The following CTNNA3 variants were observed in gnomAD, a reference collection of about 807,000 sequenced individuals.
The protein encoded by CTNNA3 is catenin alpha 3.
Under a neutral mutation model 95.7 loss-of-function variants are expected in CTNNA3, and 76 were observed. The observed-to-expected ratio is 0.79, with a 90% confidence interval of 0.66 to 0.96. CTNNA3 has a LOEUF of 0.96. Ranked by LOEUF, CTNNA3 falls within the 40% of genes least tolerant of loss-of-function variation. CTNNA3 has a pLI of 0.00. For synonymous variants in CTNNA3, 431 were observed against 374.4 expected, an observed-to-expected ratio of 1.15 and a Z score of -1.74; for missense variants, 1,191 against 1,089.8, an observed-to-expected ratio of 1.09 and a Z score of -1.31.
At chr10:67,049,252 C>T (rs562161973) in intron 7 of CTNNA3, among the ~76,000 whole-genome samples, 5 of 152,000 alleles carry the variant, frequency 3.3e-5, no homozygotes, top group South Asian at 2.1e-4. Flanking sequence ...TCATGTAGAC[C>T]GTGCCTGATA....
chr10:67,429,744 C>A (rs1166157056), intron 5 of CTNNA3, among the ~76,000 whole-genome samples: 1 of 151,878 alleles, frequency 6.6e-6, no homozygotes, highest in East Asian at 1.9e-4. Flanking sequence ...TATCAGAGCC[C>A]AATCCAGCAT....
intron 11 of CTNNA3, among the ~76,000 whole-genome samples, chr10:66,460,253 T>A (rs1310540124): frequency 6.6e-6 from 1 of 152,194 alleles, no homozygotes; most frequent in Non-Finnish European, 1.5e-5. Context: ...AACAGTTTAA[T>A]TTAATGCTGC....
intron 12 of CTNNA3, among the ~76,000 whole-genome samples, chr10:66,310,629 A>G (rs2092004493): frequency 6.8e-6 from 1 of 146,128 alleles, no homozygotes; most frequent in East Asian, 2.0e-4. Context: ...GCAAATATTT[A>G]TTTCCCATTA....
At chr10:66,430,032 G>C (rs1288122031) in intron 11 of CTNNA3, among the ~76,000 whole-genome samples, 1 of 131,822 alleles carries the variant, frequency 7.6e-6, no homozygotes, top group Admixed American at 7.6e-5. Context: ...ATCTCCTTAA[G>C]CTGATAAGCA....
In CTNNA3 at chr10:65,918,385, A is replaced by G. The variant is rs980677633; in HGVS notation, c.*1945T>C. The G allele has an allele frequency of 1.3e-5, 2 of 152,164 alleles. No individual in the cohort carries two copies. The highest frequency in any genetic ancestry group is 4.8e-5 in the African/African-American group (2 of 41,452). 9.4% of individuals were successfully genotyped at this position (152,164 alleles called of 1,614,324 possible). A position where few individuals can be genotyped will look rare whatever the true frequency, so the allele number is the denominator to read the frequency against. On this transcript the variant is annotated 3_prime_UTR_variant, in exon 18 of 18. Transcript: ENST00000433211. ...CTGGTAGTTTGGTGATTAAAAGAAA[A>G]TTCCTCTCCCCACTAAATTATAAAT... is the stretch of plus-strand genomic sequence containing the variant.
At chr10:66,417,109 A>T (rs190561026) in intron 11 of CTNNA3, among the ~76,000 whole-genome samples, 14 of 152,168 alleles carry the variant, frequency 9.2e-5, no homozygotes, top group Non-Finnish European at 5.9e-5. Context: ...AATGGATTTT[A>T]AAAAAATGAT....
chr10:67,749,612 A>G (rs781489290), intron 1 of CTNNA3, among the ~76,000 whole-genome samples: 2 of 152,236 alleles, frequency 1.3e-5, no homozygotes, highest in Non-Finnish European at 2.9e-5. Flanking sequence ...TTTGAAACCA[A>G]TGAGAAAAAA....
intron 7 of CTNNA3, among the ~76,000 whole-genome samples, chr10:67,148,597 C>A (rs1051499255): frequency 2.0e-5 from 3 of 152,148 alleles, no homozygotes; most frequent in African/African-American, 7.2e-5. Context: ...ATCTTTAATA[C>A]CCAATAAGCA....
At chr10:66,615,620 C>A (rs1844483125) in intron 10 of CTNNA3, among the ~76,000 whole-genome samples, 1 of 151,500 alleles carries the variant, frequency 6.6e-6, no homozygotes, top group Non-Finnish European at 1.5e-5. Flanking sequence ...TTTCATAAAT[C>A]AAATATTTCT....
chr10:65,985,572 A>T (rs991839647), intron 16 of CTNNA3, among the ~76,000 whole-genome samples: 2 of 151,490 alleles, frequency 1.3e-5, no homozygotes, highest in Non-Finnish European at 3.0e-5. Context: ...TCTACTAAAT[A>T]CTACTTTTCT....
At chr10:67,669,283 C>A (rs1447239973) in intron 1 of CTNNA3, among the ~76,000 whole-genome samples, 1 of 152,052 alleles carries the variant, frequency 6.6e-6, no homozygotes, top group Non-Finnish European at 1.5e-5. Flanking sequence ...GTCCCATGAG[C>A]AACTGGAAAT....
intron 5 of CTNNA3, among the ~76,000 whole-genome samples, chr10:67,439,603 C>A (rs978606433): frequency 1.3e-5 from 2 of 152,118 alleles, no homozygotes; most frequent in African/African-American, 4.8e-5. Context: ...CCACTAGGCC[C>A]CCCACCTCCA....
intron 12 of CTNNA3, among the ~76,000 whole-genome samples, chr10:66,337,537 C>T (rs1304097437): frequency 2.0e-5 from 3 of 151,926 alleles, no homozygotes; most frequent in Admixed American, 1.3e-4. Context: ...TAAGAGGAAG[C>T]ACTGGACTTT....
intron 7 of CTNNA3, among the ~76,000 whole-genome samples, chr10:66,961,111 T>C (rs1039791101): frequency 2.6e-5 from 4 of 152,198 alleles, no homozygotes; most frequent in Non-Finnish European, 4.4e-5. Flanking sequence ...AGCAAGGTCT[T>C]CTAGCAAGTC....
At chr10:67,720,522 C>T (rs1841173780) in intron 1 of CTNNA3, among the ~76,000 whole-genome samples, 1 of 151,992 alleles carries the variant, frequency 6.6e-6, no homozygotes, top group African/African-American at 2.4e-5. Context: ...TTAGTGCTTC[C>T]TTCAGGAGCT....
At chr10:66,280,393 A>G (rs1423388091) in intron 13 of CTNNA3, 77 bp downstream of exon 13, 2 of 1,273,424 alleles carry the variant, frequency 1.6e-6, no homozygotes, top group African/African-American at 3.1e-5. Context: ...GAAATAAAGC[A>G]TTTCTTGCAG....
At chr10:67,538,335 G>A (rs1840552888) in intron 4 of CTNNA3, among the ~76,000 whole-genome samples, 1 of 151,992 alleles carries the variant, frequency 6.6e-6, no homozygotes, top group South Asian at 2.1e-4. Flanking sequence ...CAGCACTTTG[G>A]GAGGCCAAGG....
chr10:67,308,747 C>CTCATTTGAA (rs1425411277), intron 5 of CTNNA3, among the ~76,000 whole-genome samples: 1 of 152,106 alleles, frequency 6.6e-6, no homozygotes, highest in Non-Finnish European at 1.5e-5. Context: ...CTTAGAGACC[C>CTCATTTGAA]AGTTAATCAA....
chr10:67,238,448 A>C (rs1017038448), intron 5 of CTNNA3, among the ~76,000 whole-genome samples: 1 of 152,158 alleles, frequency 6.6e-6, no homozygotes, highest in African/African-American at 2.4e-5. Flanking sequence ...ACTAAAAAAA[A>C]AAAAATTCAA....
Sources: allele counts gnomAD v4.1 joint callset (sites outside exome capture counted in the v4.1 genomes callset), GRCh38; gene constraint gnomAD v4.1.1; transcripts MANE v1.5; gene names NCBI Gene and HGNC (gene_info 2026-07-23, HGNC 2026-07-21).